Variants in CATSPER1 observed in about 807,000 individuals in gnomAD.
The protein encoded by CATSPER1 is cation channel sperm associated 1.
A neutral mutation model predicts 72.7 loss-of-function variants in CATSPER1; 57 were observed. The ratio of observed to expected loss-of-function variants is 0.78; its 90% CI spans 0.63 to 0.98. The LOEUF is 0.98. CATSPER1 is among the 50% of genes least tolerant of loss of function. CATSPER1 has a pLI of 0.00. For synonymous variants in CATSPER1, 363 were observed against 403.0 expected (o/e 0.90, Z 1.19); for missense variants, 910 against 1,033.9 (o/e 0.88, Z 1.64).
rs141376441 is a variant in CATSPER1 at position 66,025,457 on chromosome 11, G to A, written c.923C>T (p.Ala308Val). 571 of 1,613,518 alleles carry A rather than the reference G, an allele frequency of 3.5e-4. 2 individuals are homozygous for A. The African/African-American group carries it at 5.6e-3, about 16-fold the overall frequency. ...GCCATGGAGGTAACTGGAATGATAC[G>A]CGCCGTGGTGGTCTTGGTGCTGATG... ...DYHQHQDHHG[A>V]YHSSYLHGDY... The change falls in exon 1 of 12, where the codon GCG becomes GTG. Residue 308 changes from alanine (A) to valine (V), a missense_variant. Coordinates refer to ENST00000312106, the MANE Select transcript of CATSPER1 (RefSeq NM_053054.4).
At position 66,020,127 on chromosome 11, in the gene CATSPER1, G is replaced by A; in HGVS notation, c.2125+13C>T. 6.2e-7 allele frequency: 1 copy of A among 1,612,812 alleles called. No individual in the cohort carries two copies. Among genetic ancestry groups the A allele is most frequent in the Non-Finnish European group, 8.5e-7 (1 of 1,179,832 alleles). ...GGACGGGCAGGTGGGGCCAGGGCGG[G>A]CCAGGCCCATACCTGCAGCTCTGAG... On this transcript the variant is annotated intron_variant, in intron 9 of 11. Coordinates refer to ENST00000312106, the MANE Select transcript of CATSPER1 (RefSeq NM_053054.4). The surrounding 1 kb of genome is among the most constrained non-coding windows in gnomAD (Gnocchi z 4.5).
At position 66,017,159 on chromosome 11, in the gene CATSPER1, C is replaced by T. The variant is rs760225234; in HGVS notation, c.2217G>A (p.Leu739=). ...TTGCCACCAGCTGCAGGTAATGGAA[C>T]AGGAGCTCCTGCTGCCTGCGGGTGG... ...GTMTEKQQEL[L]FHYLQLVASV... Residue 739 remains leucine (L), a synonymous_variant, in exon 11 of 12, where the codon CTG becomes CTA. Transcript: ENST00000312106. 14 of 1,322,800 alleles carry T rather than the reference C, an allele frequency of 1.1e-5. No homozygotes were observed. The East Asian group carries it at 3.6e-4, about 34-fold the overall frequency. The allele number at this position is 1,322,800 out of a possible 1,614,324, so 81.9% of individuals were successfully genotyped here.
Position 66,025,731 on chromosome 11 carries a change from A to G in CATSPER1, c.649T>C (p.Trp217Arg). The change falls in exon 1 of 12, where the codon TGG becomes CGG. Residue 217 changes from tryptophan to arginine, a missense_variant. Trp to Arg is a moderately radical substitution (Grantham distance 101). Coordinates refer to ENST00000312106, the MANE Select transcript of CATSPER1 (RefSeq NM_053054.4). ...TGGTGGACTTGGTGATGGTGGGGCC[A>G]GCCACGGTGGGGGACTTGGTGATGC... ...SQHHQVPHRGWPHHHQVHHHG... is the reference protein window; with the variant it reads ...SQHHQVPHRGRPHHHQVHHHG... 1 of 1,613,632 alleles carries G rather than the reference A, an allele frequency of 6.2e-7. No homozygotes were observed. The highest frequency in any genetic ancestry group is 1.7e-5 in the Admixed American group (1 of 59,972).
intron 9 of CATSPER1, among the ~76,000 whole-genome samples, chr11:66,019,103 A>G (rs1371564450): frequency 2.0e-5 from 3 of 151,520 alleles, no homozygotes; most frequent in Non-Finnish European, 4.4e-5. Context: ...AAGTGCCCCA[A>G]TTGTCTTGAG....
intron 11 of CATSPER1, 66 bp downstream of exon 11, chr11:66,016,994 G>T: frequency 6.2e-7 from 1 of 1,612,444 alleles, no homozygotes; most frequent in South Asian, 1.1e-5. Context: ...GTTACTTGGA[G>T]CCATTTCTGG....
At position 66,026,386 on chromosome 11, in the gene CATSPER1, G is replaced by A; in HGVS notation, c.-7C>T. On this transcript the variant is annotated 5_prime_UTR_variant, in exon 1 of 12. Transcript: ENST00000312106. Reference sequence around the variant, plus strand: ...GCACTGAGTTTTGATCCATGACTGTGCTGGGAACTCTGGAGCCAAAAGAGC... The same window carrying A: ...GCACTGAGTTTTGATCCATGACTGTACTGGGAACTCTGGAGCCAAAAGAGC... 6.2e-7 allele frequency: 1 copy of A among 1,607,786 alleles called. No homozygotes were observed. Among genetic ancestry groups the A allele is most frequent in the Non-Finnish European group, 8.5e-7 (1 of 1,177,644 alleles).
In CATSPER1 at chr11:66,020,927, A is replaced by G. The variant is rs748342699; in HGVS notation, c.1811T>C (p.Leu604Pro). ...LFLFSAVLRA[L>P]FRKSDPKRFQ... is the part of the protein sequence containing the mutation. ...GCGCTTGGGGTCAGATTTGCGGAAC[A>G]GTGCCCGGAGGACCGCGGAGAAGAG... Residue 604 changes from leucine (L) to proline (P), a missense_variant, in exon 6 of 12, where the codon CTG (leucine) becomes CCG (proline). Coordinates refer to ENST00000312106, the MANE Select transcript of CATSPER1 (RefSeq NM_053054.4). This position sits in a 1 kb window ranked among gnomAD's most constrained non-coding sequence, Gnocchi z 4.5. The G allele has an allele frequency of 1.2e-6, 2 of 1,614,064 alleles. No homozygotes were observed. Among genetic ancestry groups the G allele is most frequent in the Non-Finnish European group, 1.7e-6 (2 of 1,180,032 alleles).
chr11:66,018,408 G>A (rs996978631), intron 10 of CATSPER1, among the ~76,000 whole-genome samples: 1 of 151,992 alleles, frequency 6.6e-6, no homozygotes, highest in African/African-American at 2.4e-5. Flanking sequence ...TCCAGGCCTT[G>A]ATCTAAGCTG....
chr11:66,026,360 G>C lies in CATSPER1; in HGVS notation c.20C>G (p.Pro7Arg). The change falls in exon 1 of 12, where the codon CCT becomes CGT. Residue 7 changes from proline to arginine, a missense_variant. Transcript: ENST00000312106. MDQNSV[P>R]EKAQNEADTN... is the part of the protein sequence containing the mutation. ...GTCTGCCTCATTCTGAGCCTTTTCA[G>C]GCACTGAGTTTTGATCCATGACTGT... The C allele has an allele frequency of 1.2e-6, 2 of 1,613,704 alleles. No homozygotes were observed. Among genetic ancestry groups the C allele is most frequent in the Non-Finnish European group, 1.7e-6 (2 of 1,179,916 alleles).
intron 2 of CATSPER1, 128 bp downstream of exon 2, chr11:66,022,721 T>A: frequency 1.1e-6 from 1 of 872,990 alleles, no homozygotes; most frequent in Non-Finnish European, 1.9e-6. Flanking sequence ...GGTAAGGCCA[T>A]CTACTTCCCA....
chr11:66,023,090 T>A (rs928144825), intron 1 of CATSPER1, 29 bp from the exon 2 acceptor site: 2 of 1,603,320 alleles, frequency 1.2e-6, no homozygotes, highest in African/African-American at 2.7e-5. Flanking sequence ...GAAAGTCAAG[T>A]GTGTGCAAGA....
At position 66,023,015 on chromosome 11, in the gene CATSPER1, G is replaced by A. The variant is rs779212524; in HGVS notation, c.1263C>T (p.Leu421=). The A allele has an allele frequency of 1.9e-6, 3 of 1,614,248 alleles. No homozygotes were observed. The highest frequency in any genetic ancestry group is 2.5e-6 in the Non-Finnish European group (3 of 1,180,048). The change falls in exon 2 of 12, where the codon CTC becomes CTT. Residue 421 remains leucine, a synonymous_variant. Transcript: ENST00000312106. ...RTRKKGHSTN[L]FQWLWEKLTF... ...TTAGCTTTTCCCACAGCCACTGGAA[G>A]AGATTGGTAGAGTGTCCCTTCTTGC... is the stretch of plus-strand genomic sequence containing the variant.
chr11:66,026,223 G>A lies in CATSPER1; in HGVS notation c.157C>T (p.Gln53Ter), dbSNP rs376605319. The A allele has an allele frequency of 1.2e-6, 2 of 1,611,810 alleles. No individual in the cohort carries two copies. Among genetic ancestry groups the A allele is most frequent in the African/African-American group, 2.7e-5 (2 of 74,890 alleles). ...GGAGGGTGGTGAGATTCACCACGTTGGTGGGGCACGCCGTGATGGTGCAAC... is the reference window on the plus strand; with the variant it reads ...GGAGGGTGGTGAGATTCACCACGTTAGTGGGGCACGCCGTGATGGTGCAAC... The part of the protein sequence containing the change: ...YELHHHGVPH[Q>*]RGESHHPPEF... Residue 53 changes from glutamine to a stop codon, truncating the protein, a stop_gained, in exon 1 of 12, where the codon CAA becomes TAA. Transcript: ENST00000312106. LOFTEE classifies it high-confidence loss of function.
chr11:66,025,134 G>A, intron 1 of CATSPER1, 30 bp downstream of exon 1: 19 of 1,613,922 alleles, frequency 1.2e-5, no homozygotes, highest in Non-Finnish European at 1.6e-5. Context: ...GGCAGCAGGA[G>A]TTGGCATGGG....
intron 10 of CATSPER1, among the ~76,000 whole-genome samples, chr11:66,017,673 C>G (rs1209617399): frequency 6.6e-6 from 1 of 152,172 alleles, no homozygotes; most frequent in Non-Finnish European, 1.5e-5. Flanking sequence ...CATTCACACC[C>G]TCCCCGCCAT....
At position 66,016,769 on chromosome 11, in the gene CATSPER1, G is replaced by C; in HGVS notation, c.*121C>G. The C allele has an allele frequency of 1.7e-6, 2 of 1,200,702 alleles. No individual in the cohort carries two copies. The highest frequency in any genetic ancestry group is 2.3e-6 in the Non-Finnish European group (2 of 851,130). The allele number at this position is 1,200,702 out of a possible 1,614,324, so 74.4% of individuals were successfully genotyped here. On this transcript the variant is annotated 3_prime_UTR_variant, in exon 12 of 12. Transcript: ENST00000312106. ...GAGCCTCCTGGGGTTTAAAAACTCTGTTGGGGCCCCTGCTCTGCAGGGCCC... is the reference window on the plus strand; with the variant it reads ...GAGCCTCCTGGGGTTTAAAAACTCTCTTGGGGCCCCTGCTCTGCAGGGCCC...
intron 11 of CATSPER1, 34 bp downstream of exon 11, chr11:66,017,026 C>T (rs1330777816): frequency 6.2e-7 from 1 of 1,612,990 alleles, no homozygotes; most frequent in Non-Finnish European, 8.5e-7. Context: ...TGGGGTTCCC[C>T]TCGCCGGCCC....
At chr11:66,018,579 G>C (rs915953687) in intron 10 of CATSPER1, among the ~76,000 whole-genome samples, 2 of 152,200 alleles carry the variant, frequency 1.3e-5, no homozygotes, top group Admixed American at 1.3e-4. Context: ...GACAAAGGTT[G>C]GGGATGGTTC....
rs937232407 is a variant in CATSPER1 at position 66,020,387 on chromosome 11, A to C, written c.1994T>G (p.Leu665Arg). The change falls in exon 8 of 12, where the codon CTG becomes CGG. Residue 665 changes from leucine to arginine, a missense_variant and splice_region_variant. By Grantham distance (102) the Leu-to-Arg change is moderately radical (BLOSUM62 -2). Transcript: ENST00000312106. The surrounding 1 kb of genome is among the most constrained non-coding windows in gnomAD (Gnocchi z 4.5). ...IIIQYFIFLNLVITVLVDSFQ... is the reference protein window; with the variant it reads ...IIIQYFIFLNRVITVLVDSFQ... ...GCTATCCACCAGGACAGTAATCACC[A>C]GGCTGGGGAGAGGGACAGGGGTGTG... The C allele has an allele frequency of 1.2e-6, 2 of 1,614,042 alleles. No individual in the cohort carries two copies. The highest frequency in any genetic ancestry group is 1.3e-5 in the African/African-American group (1 of 75,054).
Sources: allele counts gnomAD v4.1 joint callset (sites outside exome capture counted in the v4.1 genomes callset), GRCh38; gene constraint gnomAD v4.1.1; non-coding constraint Gnocchi (gnomAD v3.1); transcripts MANE v1.5; gene names NCBI Gene and HGNC (gene_info 2026-07-23, HGNC 2026-07-21).